Variants in ADD2 observed in about 807,000 individuals in gnomAD.
ADD2 encodes the protein adducin 2, also known as beta-adducin.
In ADD2, 23 loss-of-function variants were observed where a neutral mutation model predicts 83.0. The observed-to-expected ratio is 0.28, with a 90% CI of 0.20 to 0.39. The LOEUF (loss-of-function observed/expected upper bound fraction) is 0.39, where lower values mean the gene tolerates loss of function less well. Among genes scored for constraint, ADD2 ranks in the 10% least tolerant of loss-of-function variants. The pLI, the probability that ADD2 is intolerant of heterozygous loss-of-function variation, is 1.00. For missense variants in ADD2, 758 were observed against 944.9 expected, an observed-to-expected ratio of 0.80 and a Z score of 2.59; for synonymous variants, 375 against 375.4, an observed-to-expected ratio of 1.00 and a Z score of 0.01.
chr2:70,755,826 C>T (rs548557830), intron 1 of ADD2, among the ~76,000 whole-genome samples: 3 of 151,960 alleles, frequency 2.0e-5, no homozygotes, highest in East Asian at 1.9e-4. Flanking sequence ...TTTGGGAGGC[C>T]GAGGTGGGCA....
In ADD2 at chr2:70,767,976, A is replaced by G; in HGVS notation, c.-244T>C. 3 of 1,535,076 alleles carry G rather than the reference A, an allele frequency of 2.0e-6. No individual in the cohort carries two copies. The highest frequency in any genetic ancestry group is 2.6e-6 in the Non-Finnish European group (3 of 1,146,344). ...TTGGGGGGTGGGGTGCGCTTAAAAA[A>G]TCCACCCAGCTAATCTGCAGGGCAG... On this transcript the variant is annotated 5_prime_UTR_variant, in exon 1 of 16. Transcript: ENST00000264436.
chr2:70,676,827 G>T lies in ADD2; in HGVS notation c.1562C>A (p.Ala521Glu), dbSNP rs373747708. ...TCGGCTCTTCTCGGCAATGACGCTC[G>T]CCAGGAGCTGGGACTGAGGCCCCGC... is the stretch of plus-strand genomic sequence containing the variant. ...KSAGPQSQLL[A>E]SVIAEKSRSP... The change falls in exon 13 of 16, where the codon GCG becomes GAG. Residue 521 changes from alanine (A) to glutamate (E), a missense_variant. Transcript: ENST00000264436. The surrounding 1 kb of genome is among the most constrained non-coding windows in gnomAD (Gnocchi z 4.8). 2.5e-6 allele frequency: 4 copies of T among 1,614,076 alleles called. No homozygotes were observed. Among genetic ancestry groups the T allele is most frequent in the Non-Finnish European group, 3.4e-6 (4 of 1,180,036 alleles).
rs3836142 is a variant in ADD2, at chr2:70,748,290, T to TAA, written c.-154+19594_-154+19595dup. Among the ~76,000 whole-genome samples the TAA allele has an allele frequency of 4.9e-3, 725 of 146,894 alleles. 5 individuals are homozygous for TAA. Among genetic ancestry groups the TAA allele is most frequent in the African/African-American group, 0.017 (690 of 39,956 alleles). The stretch of plus-strand genomic sequence containing the variant: ...GAAATGTCACATATTCAAACACTGA[T>TAA]AAAAAAAAAAAAAAAGGAATCCTTT... On this transcript the variant is annotated intron_variant, in intron 1 of 15. Coordinates refer to ENST00000264436, the MANE Select transcript of ADD2 (RefSeq NM_001617.4).
chr2:70,671,510 C>T (rs1205844939), intron 15 of ADD2, among the ~76,000 whole-genome samples: 1 of 152,086 alleles, frequency 6.6e-6, no homozygotes, highest in Non-Finnish European at 1.5e-5. Context: ...AAAAAAAATC[C>T]TCCCTCCCCC....
chr2:70,749,275 G>A (rs1674389937), intron 1 of ADD2, among the ~76,000 whole-genome samples: 2 of 152,250 alleles, frequency 1.3e-5, no homozygotes, highest in East Asian at 1.9e-4. Context: ...ACCTCCCACA[G>A]GGTCCCTCCC....
At position 70,676,914 on chromosome 2, in the gene ADD2, G is replaced by C. The variant is rs2104232454; in HGVS notation, c.1504-29C>G. The C allele has an allele frequency of 6.2e-7, 1 of 1,605,628 alleles. No homozygotes were observed. Among genetic ancestry groups the C allele is most frequent in the Non-Finnish European group, 8.5e-7 (1 of 1,173,760 alleles). On this transcript the variant is annotated intron_variant, in intron 12 of 15. Coordinates refer to ENST00000264436, the MANE Select transcript of ADD2 (RefSeq NM_001617.4). This position sits in a 1 kb window ranked among gnomAD's most constrained non-coding sequence, Gnocchi z 4.8. ...TGTGGAAAGGGGAGAGGAAGAGTGA[G>C]CTGGCTGTTCAGGGTCAGCGTGGAG...
At chr2:70,721,561 A>C (rs1445903386) in intron 1 of ADD2, among the ~76,000 whole-genome samples, 2 of 152,192 alleles carry the variant, frequency 1.3e-5, no homozygotes, top group African/African-American at 4.8e-5. Flanking sequence ...TTATTCTCAA[A>C]TAAGGTGAAA....
chr2:70,675,443 A>G, intron 13 of ADD2: 1 of 985,500 alleles, frequency 1.0e-6, no homozygotes, highest in Non-Finnish European at 1.2e-6. Context: ...GATACTGGCA[A>G]AATCACTGGG....
intron 1 of ADD2, among the ~76,000 whole-genome samples, chr2:70,743,998 G>A (rs368261925): frequency 5.3e-5 from 8 of 152,318 alleles, no homozygotes; most frequent in African/African-American, 1.9e-4. Context: ...CCTGGTGCCA[G>A]GGGAAATACA....
At chr2:70,674,992 C>T in intron 13 of ADD2, 167 bp from the exon 14 acceptor site, 1 of 1,334,102 alleles carries the variant, frequency 7.5e-7, no homozygotes, top group Non-Finnish European at 9.7e-7. Context: ...TTGTTCTTTC[C>T]TCCCCATTGC....
intron 7 of ADD2, 67 bp from the exon 8 acceptor site, chr2:70,690,996 C>A: frequency 1.3e-6 from 2 of 1,526,436 alleles, no homozygotes; most frequent in Non-Finnish European, 1.8e-6. Context: ...GCAGCACAGT[C>A]CAGCTCTACT....
At chr2:70,666,937 C>G (rs188902775) in intron 15 of ADD2, among the ~76,000 whole-genome samples, 1 of 152,154 alleles carries the variant, frequency 6.6e-6, no homozygotes, top group African/African-American at 2.4e-5. Context: ...ACTCCCTCAA[C>G]TATAGAGTCA....
chr2:70,698,152 G>C (rs1395742964), intron 4 of ADD2, among the ~76,000 whole-genome samples: 1 of 152,204 alleles, frequency 6.6e-6, no homozygotes, highest in African/African-American at 2.4e-5. Context: ...GGGCAGGTGG[G>C]GCTGATGTTG....
chr2:70,669,861 GAGAC>G (rs1307838678), intron 15 of ADD2, among the ~76,000 whole-genome samples: 130 of 127,752 alleles, frequency 1.0e-3, no homozygotes, highest in Non-Finnish European at 1.8e-3. Context: ...GAGGGAGAGA[GAGAC>G]AGACAGAGAG....
chr2:70,741,759 T>C (rs1166680472), intron 1 of ADD2, among the ~76,000 whole-genome samples: 2 of 152,142 alleles, frequency 1.3e-5, no homozygotes, highest in Admixed American at 6.6e-5. Flanking sequence ...TGAAACTCAA[T>C]GGACATGCAA....
At chr2:70,747,644 A>G (rs1674289844) in intron 1 of ADD2, among the ~76,000 whole-genome samples, 1 of 152,188 alleles carries the variant, frequency 6.6e-6, no homozygotes, top group Non-Finnish European at 1.5e-5. Flanking sequence ...ATGCTTTCCC[A>G]TCATGCCACA....
At chr2:70,689,543 C>T (rs1670921873) in intron 8 of ADD2, among the ~76,000 whole-genome samples, 1 of 152,252 alleles carries the variant, frequency 6.6e-6, no homozygotes, top group Non-Finnish European at 1.5e-5. Flanking sequence ...CTCTCAAATT[C>T]TTGTAGCACT....
chr2:70,669,395 C>T (rs1553366727), intron 15 of ADD2, among the ~76,000 whole-genome samples: 1 of 152,198 alleles, frequency 6.6e-6, no homozygotes, highest in Non-Finnish European at 1.5e-5. Context: ...CCATTAGCCA[C>T]ACATTGAGAA....
chr2:70,674,343 A>C (rs984061203), intron 14 of ADD2, among the ~76,000 whole-genome samples: 3 of 152,230 alleles, frequency 2.0e-5, no homozygotes, highest in Admixed American at 1.3e-4. Flanking sequence ...TAAAAGGCTT[A>C]TAGTAGACCT....
Sources: allele counts gnomAD v4.1 joint callset (sites outside exome capture counted in the v4.1 genomes callset), GRCh38; gene constraint gnomAD v4.1.1; non-coding constraint Gnocchi (gnomAD v3.1); transcripts MANE v1.5; gene names NCBI Gene and HGNC (gene_info 2026-07-23, HGNC 2026-07-21).